The following AKAP11 variants were observed in gnomAD, a reference collection of about 807,000 sequenced individuals.
AKAP11 encodes A-kinase anchoring protein 11, also known as A-kinase anchor protein 11.
A neutral mutation model predicts 146.1 loss-of-function variants in AKAP11; 36 were observed. The observed-to-expected ratio is 0.25, with a 90% CI of 0.19 to 0.33. The LOEUF is 0.33. Ranked by LOEUF, AKAP11 falls within the 10% of genes least tolerant of loss-of-function variation. The pLI, the probability that AKAP11 is intolerant of heterozygous loss-of-function variation, is 1.00. For synonymous variants in AKAP11, 780 were observed against 786.5 expected, an observed-to-expected ratio of 0.99 and a Z score of 0.14; for missense variants, 2,201 against 2,197.0, an observed-to-expected ratio of 1.00 and a Z score of -0.04.
chr13:42,292,539 G>A lies in AKAP11; in HGVS notation c.168+38G>A, dbSNP rs566770052. The A allele has an allele frequency of 1.2e-5, 15 of 1,251,858 alleles. No homozygotes were observed. The African/African-American group carries it at 1.5e-4, about 12-fold the overall frequency. The allele number at this position is 1,251,858 out of a possible 1,614,324, so 77.5% of individuals were successfully genotyped here. ...ACTTTCTAAACCCTTTCCTAATAAT[G>A]CACAGCATATTTTCATGCATCTTTG... On this transcript the variant is annotated intron_variant, in intron 4 of 12. Coordinates refer to ENST00000025301, the MANE Select transcript of AKAP11 (RefSeq NM_016248.4).
intron 1 of AKAP11, among the ~76,000 whole-genome samples, chr13:42,282,104 G>A (rs9562393): frequency 0.37 from 56,526 of 151,188 alleles, 11,025 homozygotes; most frequent in East Asian, 0.63. Flanking sequence ...GAGTGGCCGG[G>A]ATTACAGGCA....
Position 42,302,625 on chromosome 13 carries a change from T to C in AKAP11, c.3879T>C (p.Asp1293=). ...AAAAGAAGAACAGTTGTTATGCTGATGGTGACGAAGATTATAAAGTAGAAG... is the reference window on the plus strand; with the variant it reads ...AAAAGAAGAACAGTTGTTATGCTGACGGTGACGAAGATTATAAAGTAGAAG... ...FKQKKNSCYA[D]GDEDYKVEEK... The change falls in exon 8 of 13, where the codon GAT becomes GAC. Residue 1293 remains aspartate (D), a synonymous_variant. Transcript: ENST00000025301. The C allele has an allele frequency of 6.2e-7, 1 of 1,614,162 alleles. No homozygotes were observed. Among genetic ancestry groups the C allele is most frequent in the Non-Finnish European group, 8.5e-7 (1 of 1,180,016 alleles).
intron 3 of AKAP11, among the ~76,000 whole-genome samples, chr13:42,291,446 T>TC (rs1959212419): frequency 6.6e-6 from 1 of 152,180 alleles, no homozygotes; most frequent in Non-Finnish European, 1.5e-5. Flanking sequence ...AAAGACGGGC[T>TC]TTCGCTATGT....
rs767191867 is a variant in AKAP11 at position 42,300,731 on chromosome 13, T to C, written c.1985T>C (p.Val662Ala). 2 of 1,614,016 alleles carry C rather than the reference T, an allele frequency of 1.2e-6. No individual in the cohort carries two copies. Among genetic ancestry groups the C allele is most frequent in the Admixed American group, 3.3e-5 (2 of 60,002 alleles). The change falls in exon 8 of 13, where the codon GTG becomes GCG. Residue 662 changes from valine to alanine, a missense_variant. Coordinates refer to ENST00000025301, the MANE Select transcript of AKAP11 (RefSeq NM_016248.4). Reference protein sequence around the residue: ...EELVFEGIMEVCQFSYPQTPA... With the variant: ...EELVFEGIMEACQFSYPQTPA... The stretch of plus-strand genomic sequence containing the variant: ...CTTGTTTTTGAAGGCATCATGGAGG[T>C]GTGTCAGTTTTCATATCCTCAAACG...
At chr13:42,292,539 G>T in intron 4 of AKAP11, 38 bp downstream of exon 4, 1 of 1,251,858 alleles carries the variant, frequency 8.0e-7, no homozygotes, top group Non-Finnish European at 1.1e-6. Flanking sequence ...TCCTAATAAT[G>T]CACAGCATAT....
At chr13:42,277,903 T>C (rs78322597) in intron 1 of AKAP11, among the ~76,000 whole-genome samples, 10,140 of 152,312 alleles carry the variant, frequency 0.067, 449 homozygotes, top group Non-Finnish European at 0.096. Flanking sequence ...GTGCAGGGCA[T>C]AGACATGTAG....
chr13:42,300,926 A>G lies in AKAP11; in HGVS notation c.2180A>G (p.Tyr727Cys). ...AVSVSTDNIK[Y>C]VSAESVVPST... ...AGTGTCTCTACGGATAATATCAAGT[A>G]TGTGAGTGCAGAAAGTGTAGTGCCA... is the stretch of plus-strand genomic sequence containing the variant. Residue 727 changes from tyrosine (Y) to cysteine (C), a missense_variant, in exon 8 of 13, where the codon TAT (tyrosine) becomes TGT (cysteine). This residue lies in a region of AKAP11 where 1,867 missense variants were observed against 1,833.5 expected (regional missense o/e 1.02). Transcript: ENST00000025301. 2 of 1,614,174 alleles carry G rather than the reference A, an allele frequency of 1.2e-6. No individual in the cohort carries two copies. Among genetic ancestry groups the G allele is most frequent in the Non-Finnish European group, 1.7e-6 (2 of 1,179,994 alleles).
chr13:42,289,208 A>G (rs1166722968), intron 3 of AKAP11, among the ~76,000 whole-genome samples: 4 of 152,164 alleles, frequency 2.6e-5, no homozygotes, highest in African/African-American at 9.7e-5. Flanking sequence ...TAATTCTACC[A>G]TTCCTTTCAC....
intron 9 of AKAP11, 81 bp downstream of exon 9, chr13:42,308,690 A>C (rs1017408917): frequency 4.5e-5 from 50 of 1,120,388 alleles, no homozygotes; most frequent in Non-Finnish European, 5.8e-5. Flanking sequence ...TTATTATTTA[A>C]AAATTCTAAA....
rs149509211 is a variant in AKAP11 at position 42,302,725 on chromosome 13, T to C, written c.3979T>C (p.Cys1327Arg). The change falls in exon 8 of 13, where the codon TGT becomes CGT. Residue 1327 changes from cysteine (C) to arginine (R), a missense_variant. Coordinates refer to ENST00000025301, the MANE Select transcript of AKAP11 (RefSeq NM_016248.4). ...PFILSLPPSS[C>R]MSGLMYKYPS... ...TATTCTTTCATTACCACCAAGTTCTTGTATGTCAGGTCTGATGTATAAGTA... is the reference window on the plus strand; with the variant it reads ...TATTCTTTCATTACCACCAAGTTCTCGTATGTCAGGTCTGATGTATAAGTA... 2.9e-4 allele frequency: 461 copies of C among 1,614,074 alleles called. 6 individuals are homozygous for C. In the East Asian group the frequency reaches 4.4e-3, roughly 15 times the overall value.
chr13:42,301,580 C>G lies in AKAP11; in HGVS notation c.2834C>G (p.Ser945Cys). The change falls in exon 8 of 13, where the codon TCT becomes TGT. Residue 945 changes from serine (S) to cysteine (C), a missense_variant. Ser to Cys is a moderately radical substitution (Grantham distance 112). This residue lies in a region of AKAP11 where 1,867 missense variants were observed against 1,833.5 expected (regional missense o/e 1.02). Transcript: ENST00000025301. The stretch of plus-strand genomic sequence containing the variant: ...ATGTTTGCTGACCGGTTATCTAAAT[C>G]TATTATTAAACATTCCATAGATAAG... ...KDMFADRLSK[S>C]IIKHSIDKSK... The G allele has an allele frequency of 6.2e-7, 1 of 1,614,102 alleles. No individual in the cohort carries two copies.
intron 9 of AKAP11, among the ~76,000 whole-genome samples, chr13:42,309,299 CT>C (rs1197894729): frequency 6.6e-6 from 1 of 152,164 alleles, no homozygotes; most frequent in Non-Finnish European, 1.5e-5. Flanking sequence ...ATTCTATAAA[CT>C]CTTTATCCAC....
chr13:42,314,004 T>C (rs991592624), intron 11 of AKAP11, 64 bp downstream of exon 11: 2 of 1,523,342 alleles, frequency 1.3e-6, no homozygotes, highest in Non-Finnish European at 9.1e-7. Flanking sequence ...AGAAGAGTCT[T>C]TATGCATTTT....
intron 10 of AKAP11, 65 bp from the exon 11 acceptor site, chr13:42,313,829 A>G: frequency 7.1e-7 from 1 of 1,405,612 alleles, no homozygotes; most frequent in South Asian, 1.2e-5. Context: ...ATTTTTAAGA[A>G]TTTGTTTTGA....
intron 3 of AKAP11, among the ~76,000 whole-genome samples, chr13:42,286,938 G>T (rs574809441): frequency 6.6e-6 from 1 of 152,322 alleles, no homozygotes; most frequent in South Asian, 2.1e-4. Flanking sequence ...ACAAAGAAGG[G>T]AAGAATGGAG....
At chr13:42,306,816 A>G (rs1960283453) in intron 8 of AKAP11, among the ~76,000 whole-genome samples, 2 of 152,150 alleles carry the variant, frequency 1.3e-5, no homozygotes, top group Admixed American at 1.3e-4. Context: ...TGCAATTGGG[A>G]AATTATGTGA....
chr13:42,289,772 C>G (rs1172539123), intron 3 of AKAP11, among the ~76,000 whole-genome samples: 1 of 152,120 alleles, frequency 6.6e-6, no homozygotes, highest in Non-Finnish European at 1.5e-5. Flanking sequence ...TCAGATTTCA[C>G]ATATTTTTTC....
In AKAP11 at chr13:42,300,967, AC is replaced by A; in HGVS notation, c.2222del (p.Thr741SerfsTer13). On this transcript the variant is annotated frameshift_variant, in exon 8 of 13. Coordinates refer to ENST00000025301, the MANE Select transcript of AKAP11 (RefSeq NM_016248.4). LOFTEE classifies it high-confidence loss of function. ...ESVVPSTQAV[T>X]FSPSFHNQAI... ...TGTAGTGCCATCGACACAGGCTGTC[AC>A]GTTTTCCCCTTCTTTTCACAATCAA... 1 of 1,614,156 alleles carries A rather than the reference AC, an allele frequency of 6.2e-7. No homozygotes were observed. Among genetic ancestry groups the A allele is most frequent in the Non-Finnish European group, 8.5e-7 (1 of 1,179,982 alleles).
rs567716472 is a variant in AKAP11, at chr13:42,300,382, A to G, written c.1636A>G (p.Ile546Val). Residue 546 changes from isoleucine (I) to valine (V), a missense_variant, in exon 8 of 13, where the codon ATT (isoleucine) becomes GTT (valine). Physicochemically the swap from Ile to Val is conservative, Grantham distance 29 (BLOSUM62 3). Transcript: ENST00000025301. ...KNKSKNKSLMIKDSIQKFAAD... is the reference protein window; with the variant it reads ...KNKSKNKSLMVKDSIQKFAAD... ...TAAATCTAAAAATAAATCCTTAATG[A>G]TTAAAGATAGCATTCAAAAATTTGC... is the stretch of plus-strand genomic sequence containing the variant. The G allele has an allele frequency of 1.2e-6, 2 of 1,610,096 alleles. No individual in the cohort carries two copies. Among genetic ancestry groups the G allele is most frequent in the Non-Finnish European group, 8.5e-7 (1 of 1,178,856 alleles).
Sources: gnomAD v4.1 joint callset for allele counts (sites outside exome capture counted in the v4.1 genomes callset) on GRCh38, gnomAD v4.1.1 for gene constraint, gnomAD v4.1.1 regional missense constraint, MANE v1.5 for transcripts, NCBI Gene and HGNC (gene_info 2026-07-23, HGNC 2026-07-21) for gene names.